Variants in LDLRAD4 observed in about 807,000 individuals in gnomAD.
LDLRAD4 encodes the protein low-density lipoprotein receptor class A domain-containing protein 4.
Under a neutral mutation model 17.0 loss-of-function variants are expected in LDLRAD4, and 5 were observed. That is an observed-to-expected ratio of 0.29 (90% CI 0.15 to 0.62). LDLRAD4 has a LOEUF of 0.62. LDLRAD4 is among the 20% of genes least tolerant of loss of function. The pLI, the probability that LDLRAD4 is intolerant of heterozygous loss-of-function variation, is 0.84. For synonymous variants in LDLRAD4, 168 were observed against 171.8 expected, an observed-to-expected ratio of 0.98 and a Z score of 0.17; for missense variants, 340 against 424.7, an observed-to-expected ratio of 0.80 and a Z score of 1.75.
At chr18:13,363,554 C>G (rs959375852) in intron 1 of LDLRAD4, among the ~76,000 whole-genome samples, 2 of 152,048 alleles carry the variant, frequency 1.3e-5, no homozygotes, top group Non-Finnish European at 2.9e-5. Context: ...GTCAGAGGAG[C>G]CTAGGAGTCA....
chr18:13,479,473 T>A (rs2093030202), intron 3 of LDLRAD4, among the ~76,000 whole-genome samples: 1 of 152,036 alleles, frequency 6.6e-6, no homozygotes, highest in Non-Finnish European at 1.5e-5. Context: ...ATACAAAAAT[T>A]AGCTGGACAT....
chr18:13,421,108 G>A (rs2089407004), intron 2 of LDLRAD4: 1 of 152,310 alleles, frequency 6.6e-6, no homozygotes, highest in South Asian at 2.1e-4. Context: ...CTCTTCTGCA[G>A]TCTCTGCGAG....
chr18:13,450,764 T>C (rs981700607), intron 3 of LDLRAD4, among the ~76,000 whole-genome samples: 5 of 152,148 alleles, frequency 3.3e-5, no homozygotes, highest in Non-Finnish European at 7.3e-5. Context: ...GCCTGGGTGC[T>C]CAGGGAGGCC....
At chr18:13,573,692 A>G (rs1047486565) in intron 3 of LDLRAD4, among the ~76,000 whole-genome samples, 4 of 152,256 alleles carry the variant, frequency 2.6e-5, no homozygotes, top group Admixed American at 6.5e-5. Context: ...GCATTGGACT[A>G]GAATTCATTT....
chr18:13,295,915 C>A (rs1251645067), intron 1 of LDLRAD4, among the ~76,000 whole-genome samples: 1 of 152,202 alleles, frequency 6.6e-6, no homozygotes, highest in Non-Finnish European at 1.5e-5. Flanking sequence ...AAAGTTGGAG[C>A]TTTGGGACTC....
chr18:13,475,291 C>G (rs1010286691), intron 3 of LDLRAD4, among the ~76,000 whole-genome samples: 3 of 152,156 alleles, frequency 2.0e-5, no homozygotes, highest in African/African-American at 4.8e-5. Flanking sequence ...CTCTGTGGCC[C>G]GGAGACAACA....
chr18:13,439,551 G>C (rs950841844), intron 3 of LDLRAD4, among the ~76,000 whole-genome samples: 1 of 152,182 alleles, frequency 6.6e-6, no homozygotes, highest in African/African-American at 2.4e-5. Flanking sequence ...GGCTGGGCGC[G>C]TGCTTGCCTG....
chr18:13,316,980 G>C (rs757293465), intron 1 of LDLRAD4, among the ~76,000 whole-genome samples: 1 of 152,144 alleles, frequency 6.6e-6, no homozygotes, highest in Non-Finnish European at 1.5e-5. Flanking sequence ...AGTTAATACC[G>C]AGATTGTCAA....
At chr18:13,243,134 A>G (rs908864584) in intron 1 of LDLRAD4, among the ~76,000 whole-genome samples, 1 of 152,224 alleles carries the variant, frequency 6.6e-6, no homozygotes, top group Non-Finnish European at 1.5e-5. Flanking sequence ...CAGTCAGGCC[A>G]TGTTTTCTTT....
chr18:13,645,896 A>T lies in LDLRAD4; in HGVS notation c.*239A>T. 3.1e-5 allele frequency: 11 copies of T among 357,794 alleles called. No homozygotes were observed. Among genetic ancestry groups the T allele is most frequent in the Middle Eastern group, 7.3e-4 (1 of 1,372 alleles). The allele number at this position is 357,794 out of a possible 1,614,324, so 22.2% of individuals were successfully genotyped here. ...TGTTTATTTGGGGACAGGGGTTGGG[A>T]TGGGGGTGTGGGCAGGGGAAAACAG... On this transcript the variant is annotated 3_prime_UTR_variant, in exon 6 of 6. Coordinates refer to ENST00000359446, the Ensembl canonical transcript of LDLRAD4. The surrounding 1 kb of genome is among the most constrained non-coding windows in gnomAD (Gnocchi z 5.7).
chr18:13,374,421 C>G (rs1042855303), intron 1 of LDLRAD4, among the ~76,000 whole-genome samples: 10 of 152,226 alleles, frequency 6.6e-5, no homozygotes, highest in African/African-American at 2.4e-4. Flanking sequence ...TCTAGAATCT[C>G]ACTAATTAGA....
At chr18:13,541,999 C>T (rs1270512935) in intron 3 of LDLRAD4, among the ~76,000 whole-genome samples, 2 of 152,186 alleles carry the variant, frequency 1.3e-5, no homozygotes, top group East Asian at 3.9e-4. Flanking sequence ...TCCCTTGAGC[C>T]CAGGAGTTGA....
chr18:13,494,351 T>C (rs530673107), intron 3 of LDLRAD4, among the ~76,000 whole-genome samples: 1 of 151,842 alleles, frequency 6.6e-6, no homozygotes, highest in East Asian at 1.9e-4. Context: ...CAGTCTCAGG[T>C]GGAGAACTGA....
At chr18:13,296,083 C>A (rs1303563668) in intron 1 of LDLRAD4, among the ~76,000 whole-genome samples, 1 of 152,242 alleles carries the variant, frequency 6.6e-6, no homozygotes. Flanking sequence ...AGGGCTCCTG[C>A]GCCTGGCGGG....
intron 3 of LDLRAD4, among the ~76,000 whole-genome samples, chr18:13,546,589 T>C (rs998677680): frequency 1.1e-4 from 17 of 148,640 alleles, no homozygotes; most frequent in Non-Finnish European, 2.4e-4. Flanking sequence ...GCCTGGGTGG[T>C]TTTTTTTTTA....
intron 5 of LDLRAD4, among the ~76,000 whole-genome samples, chr18:13,644,218 A>T (rs1395672261): frequency 6.6e-6 from 1 of 152,038 alleles, no homozygotes; most frequent in Non-Finnish European, 1.5e-5. Context: ...TAATAAATCG[A>T]CCCAATGCTT....
chr18:13,467,134 A>C (rs746299229), intron 3 of LDLRAD4, among the ~76,000 whole-genome samples: 1 of 152,250 alleles, frequency 6.6e-6, no homozygotes. Flanking sequence ...ATTGTACTCC[A>C]GGTTCTAGCC....
At chr18:13,618,981 G>A (rs772867498) in intron 3 of LDLRAD4, among the ~76,000 whole-genome samples, 3 of 152,222 alleles carry the variant, frequency 2.0e-5, no homozygotes, top group African/African-American at 4.8e-5. Flanking sequence ...AGGCGCACTC[G>A]GGCACTCTGC....
At chr18:13,571,487 A>G (rs2094689589) in intron 3 of LDLRAD4, among the ~76,000 whole-genome samples, 1 of 152,194 alleles carries the variant, frequency 6.6e-6, no homozygotes, top group Non-Finnish European at 1.5e-5. Context: ...CCATAAGAGG[A>G]AGACCTGGGC....
Sources: allele counts gnomAD v4.1 joint callset (sites outside exome capture counted in the v4.1 genomes callset), GRCh38; gene constraint gnomAD v4.1.1; non-coding constraint Gnocchi (gnomAD v3.1); transcripts MANE v1.5; gene names NCBI Gene and HGNC (gene_info 2026-07-23, HGNC 2026-07-21).